The following CWC22 variants were observed in gnomAD, a reference collection of about 807,000 sequenced individuals.
The protein encoded by CWC22 is pre-mRNA-splicing factor CWC22 homolog.
Under a neutral mutation model 117.2 loss-of-function variants are expected in CWC22, and 53 were observed. The observed-to-expected ratio is 0.45, with a 90% confidence interval of 0.36 to 0.57. CWC22 has a LOEUF of 0.57. Ranked by LOEUF, CWC22 falls within the 20% of genes least tolerant of loss-of-function variation. CWC22 has a pLI of 0.00. For missense variants in CWC22, 980 were observed against 1,068.8 expected (o/e 0.92, Z 1.16); for synonymous variants, 360 against 355.6 (o/e 1.01, Z -0.14).
At chr2:179,993,252 T>C in intron 2 of CWC22, 63 bp downstream of exon 2, 1 of 1,165,010 alleles carries the variant, frequency 8.6e-7, no homozygotes, top group Admixed American at 2.0e-5. Context: ...AATGCATTTA[T>C]ATTTAAAGAA....
chr2:179,976,101 A>T (rs1433957796), intron 6 of CWC22, among the ~76,000 whole-genome samples: 1 of 152,236 alleles, frequency 6.6e-6, no homozygotes, highest in African/African-American at 2.4e-5. Context: ...AAATCCAGAC[A>T]TTGGCAGTCA....
At chr2:179,978,678 C>T (rs1378653449) in intron 5 of CWC22, among the ~76,000 whole-genome samples, 2 of 151,816 alleles carry the variant, frequency 1.3e-5, no homozygotes, top group Non-Finnish European at 2.9e-5. Flanking sequence ...TAATGGAAAC[C>T]TTTAAAATAA....
At chr2:179,961,002 T>C (rs537424060) in intron 13 of CWC22, among the ~76,000 whole-genome samples, 1 of 152,116 alleles carries the variant, frequency 6.6e-6, no homozygotes, top group African/African-American at 2.4e-5. Flanking sequence ...GTGAAAGGCG[T>C]ACCAGGAGTT....
rs1433260625 is a variant in CWC22 at position 179,964,609 on chromosome 2, A to G, written c.1335T>C (p.His445=). 3 of 1,549,898 alleles carry G rather than the reference A, an allele frequency of 1.9e-6. No individual in the cohort carries two copies. Among genetic ancestry groups the G allele is most frequent in the Non-Finnish European group, 2.6e-6 (3 of 1,141,130 alleles). Residue 445 remains histidine, a synonymous_variant, in exon 13 of 20, where the codon CAT becomes CAC. Coordinates refer to ENST00000410053, the MANE Select transcript of CWC22 (RefSeq NM_020943.3). ...EDEEGQKVTI[H]DKTEINLVSF... ...AGACCAGGTTAATTTCTGTTTTGTC[A>G]TGAATAGTTACTTTTTGTCCTGAAA...
intron 19 of CWC22, among the ~76,000 whole-genome samples, chr2:179,948,063 T>A (rs1352696517): frequency 6.6e-6 from 1 of 152,104 alleles, no homozygotes; most frequent in Non-Finnish European, 1.5e-5. Context: ...CACTTCCAGG[T>A]AGGATAGAGA....
chr2:179,963,687 C>CA (rs1307541563), intron 13 of CWC22, among the ~76,000 whole-genome samples: 1 of 151,898 alleles, frequency 6.6e-6, no homozygotes, highest in East Asian at 1.9e-4. Context: ...AAGGATAAAG[C>CA]AAAAAAATTC....
Position 179,981,743 on chromosome 2 carries a change from T to C in CWC22, c.452+9A>G, listed in dbSNP as rs369002291. ...TCATGGCTTTGTATACTGATTGATA[T>C]AAACATGCCTGTTTTTATCTGTAAT... is the stretch of plus-strand genomic sequence containing the variant. On this transcript the variant is annotated intron_variant, in intron 5 of 19. Coordinates refer to ENST00000410053, the MANE Select transcript of CWC22 (RefSeq NM_020943.3). 5.0e-6 allele frequency: 8 copies of C among 1,604,748 alleles called. No individual in the cohort carries two copies. Among genetic ancestry groups the C allele is most frequent in the Admixed American group, 1.7e-5 (1 of 59,964 alleles).
intron 14 of CWC22, among the ~76,000 whole-genome samples, chr2:179,957,101 C>T (rs938021603): frequency 2.0e-5 from 3 of 152,012 alleles, no homozygotes; most frequent in African/African-American, 4.8e-5. Context: ...AATATTAATA[C>T]AATTTATGAT....
At chr2:179,953,644 C>A (rs1037271845) in intron 16 of CWC22, among the ~76,000 whole-genome samples, 1 of 152,060 alleles carries the variant, frequency 6.6e-6, no homozygotes, top group Non-Finnish European at 1.5e-5. Flanking sequence ...GCTTAATGAA[C>A]GCCTTTCAAA....
At chr2:180,003,245 T>C (rs1687888397) in intron 1 of CWC22, among the ~76,000 whole-genome samples, 2 of 152,196 alleles carry the variant, frequency 1.3e-5, no homozygotes, top group African/African-American at 4.8e-5. Context: ...GTGGAACAGC[T>C]TGAAAACACT....
chr2:179,990,546 CAG>C (rs3082436), intron 2 of CWC22, among the ~76,000 whole-genome samples: 10,020 of 144,756 alleles, frequency 0.069, 410 homozygotes, highest in East Asian at 0.19. Flanking sequence ...GTGAGACAGA[CAG>C]AGAGAGAGAG....
At chr2:179,952,708 T>G in intron 16 of CWC22, 110 bp from the exon 17 acceptor site, 4 of 531,280 alleles carry the variant, frequency 7.5e-6, no homozygotes, top group Non-Finnish European at 1.2e-5. Context: ...TTTATTCCCA[T>G]CTTCAACCAG....
intron 4 of CWC22, among the ~76,000 whole-genome samples, chr2:179,985,641 A>G (rs1687399977): frequency 6.6e-6 from 1 of 152,090 alleles, no homozygotes; most frequent in Admixed American, 6.5e-5. Flanking sequence ...CGGTCCAAAA[A>G]TAAGTGACTA....
At position 180,007,066 on chromosome 2, in the gene CWC22, T is replaced by C. The variant is rs1035107736; in HGVS notation, c.-313A>G. 3.3e-5 allele frequency: 5 copies of C among 152,116 alleles called. No homozygotes were observed. Among genetic ancestry groups the C allele is most frequent in the Non-Finnish European group, 5.9e-5 (4 of 68,032 alleles). 9.4% of individuals were successfully genotyped at this position (152,116 alleles called of 1,614,324 possible). A position where few individuals can be genotyped will look rare whatever the true frequency, so the allele number is the denominator to read the frequency against. ...GCGGGGACTCCACGGAGTTCGATAA[T>C]TACCTAGAGCTCCACCGCGCCGCCA... is the stretch of plus-strand genomic sequence containing the variant. On this transcript the variant is annotated 5_prime_UTR_variant, in exon 1 of 20. The change abolishes the stop of an existing upstream ORF in the 5' untranslated region. Coordinates refer to ENST00000410053, the MANE Select transcript of CWC22 (RefSeq NM_020943.3).
At chr2:179,984,903 G>C (rs1264784058) in intron 4 of CWC22, among the ~76,000 whole-genome samples, 1 of 151,990 alleles carries the variant, frequency 6.6e-6, no homozygotes, top group Non-Finnish European at 1.5e-5. Flanking sequence ...AAAGTGCCAA[G>C]GGTTCACCGC....
rs370024919 is a variant in CWC22 at position 179,970,670 on chromosome 2, T to C, written c.1127A>G (p.Tyr376Cys). Residue 376 changes from tyrosine (Y) to cysteine (C), a missense_variant, in exon 10 of 20, where the codon TAT (tyrosine) becomes TGT (cysteine). Physicochemically the swap from Tyr to Cys is radical, Grantham distance 194. Coordinates refer to ENST00000410053, the MANE Select transcript of CWC22 (RefSeq NM_020943.3). ...FTHMLPLEDD[Y>C]NPEDVLNVFK... Reference sequence around the variant, plus strand: ...CTTACTAAGAACATCTTCTGGATTATAGTCATCCTCCAGAGGGAGCATATG... The same window carrying C: ...CTTACTAAGAACATCTTCTGGATTACAGTCATCCTCCAGAGGGAGCATATG... The C allele has an allele frequency of 1.7e-5, 28 of 1,613,338 alleles. No homozygotes were observed. The highest frequency in any genetic ancestry group is 4.5e-5 in the East Asian group (2 of 44,856).
chr2:179,958,139 T>C (rs1686645586), intron 14 of CWC22, among the ~76,000 whole-genome samples: 1 of 151,934 alleles, frequency 6.6e-6, no homozygotes. Flanking sequence ...GAGACTAGCC[T>C]GGTCAACATG....
intron 12 of CWC22, 131 bp from the exon 13 acceptor site, chr2:179,964,759 T>A: frequency 1.8e-6 from 1 of 557,180 alleles, no homozygotes; most frequent in Non-Finnish European, 3.1e-6. Context: ...ATCTTTTTAC[T>A]GTGTAAATTA....
Position 179,945,146 on chromosome 2 carries a change from G to A in CWC22, c.2710C>T (p.Pro904Ser), listed in dbSNP as rs751470890. The A allele has an allele frequency of 6.9e-6, 11 of 1,593,848 alleles. No individual in the cohort carries two copies. The highest frequency in any genetic ancestry group is 9.4e-6 in the Non-Finnish European group (11 of 1,173,772). ...TTGTAGAATTATTTTTGTTTTGCTG[G>A]AGACTTTTCTCTTCGCCGGTCCTGA... ...KNQDRRREKS[P>S]AKQK is the part of the protein sequence containing the mutation. Residue 904 changes from proline (P) to serine (S), a missense_variant, in exon 20 of 20, where the codon CCA becomes TCA. By Grantham distance (74) the Pro-to-Ser change is moderately conservative. Around this residue, in one of 3 missense-constraint regions of CWC22, gnomAD observed 306 missense variants for 296.8 expected, o/e 1.03. Coordinates refer to ENST00000410053, the MANE Select transcript of CWC22 (RefSeq NM_020943.3).
Sources: gnomAD v4.1 joint callset for allele counts (sites outside exome capture counted in the v4.1 genomes callset) on GRCh38, gnomAD v4.1.1 for gene constraint, gnomAD v4.1.1 regional missense constraint, MANE v1.5 for transcripts, NCBI Gene and HGNC (gene_info 2026-07-23, HGNC 2026-07-21) for gene names.